Variants in MME observed in about 807,000 individuals in gnomAD.
The protein encoded by MME is membrane metalloendopeptidase.
In MME, 98 loss-of-function variants were observed where a neutral mutation model predicts 113.2. The ratio of observed to expected loss-of-function variants is 0.87; its 90% CI spans 0.74 to 1.02. The LOEUF (loss-of-function observed/expected upper bound fraction) is 1.02. Ranked by LOEUF, MME falls within the 50% of genes least tolerant of loss-of-function variation. The pLI, the probability that MME is intolerant of heterozygous loss-of-function variation, is 0.00. For missense variants in MME, 836 were observed against 896.0 expected (o/e 0.93, Z 0.86); for synonymous variants, 292 against 300.6 (o/e 0.97, Z 0.30).
At position 155,178,922 on chromosome 3, in the gene MME, A is replaced by G. The variant is rs181329140; in HGVS notation, c.2154-1438A>G. On this transcript the variant is annotated intron_variant, in intron 22 of 22. Coordinates refer to ENST00000360490, the MANE Select transcript of MME (RefSeq NM_007289.4). Reference sequence around the variant, plus strand: ...GTTGAATCCACAGATGTGGAACTCAAGGATACAAAGGCTGTATTTTGCCCT... The same window carrying G: ...GTTGAATCCACAGATGTGGAACTCAGGGATACAAAGGCTGTATTTTGCCCT... Among the ~76,000 whole-genome samples the G allele has an allele frequency of 2.0e-5, 3 of 152,320 alleles. No homozygotes were observed. The East Asian group carries it at 5.8e-4, about 29-fold the overall frequency.
In MME at chr3:155,182,850, C is replaced by T. The variant is rs1318615511; in HGVS notation, c.*2391C>T. 6.6e-6 allele frequency: 1 copy of T among 152,208 alleles called. No individual in the cohort carries two copies. The highest frequency in any genetic ancestry group is 2.4e-5 in the African/African-American group (1 of 41,440). 9.4% of individuals were successfully genotyped at this position (152,208 alleles called of 1,614,324 possible). A position where few individuals can be genotyped will look rare whatever the true frequency, so the allele number is the denominator to read the frequency against. On this transcript the variant is annotated 3_prime_UTR_variant, in exon 23 of 23. Transcript: ENST00000360490. ...TCAAAAATAGCAATGCCTCCCTATC[C>T]CTCACACATCCAGACATCATGAATT...
Position 155,084,309 on chromosome 3 carries a change from C to T in MME, c.142C>T (p.Leu48Phe). ...LTIIAVTMIALYATYDDGICK... is the reference protein window; with the variant it reads ...LTIIAVTMIAFYATYDDGICK... ...CATCATAGCTGTGACAATGATCGCA[C>T]TCTATGCAACCTACGATGGTGAGTT... The change falls in exon 2 of 23, where the codon CTC becomes TTC. Residue 48 changes from leucine to phenylalanine, a missense_variant. Transcript: ENST00000360490. The T allele has an allele frequency of 6.2e-7, 1 of 1,614,158 alleles. No individual in the cohort carries two copies. The highest frequency in any genetic ancestry group is 8.5e-7 in the Non-Finnish European group (1 of 1,180,026).
intron 2 of MME, 114 bp downstream of exon 2, chr3:155,084,441 A>T: frequency 9.8e-7 from 1 of 1,016,404 alleles, no homozygotes; most frequent in Non-Finnish European, 1.5e-6. Context: ...TTAAAGACTG[A>T]CAAAGAGATT....
chr3:155,084,411 T>C, intron 2 of MME, 84 bp downstream of exon 2: 1 of 1,401,486 alleles, frequency 7.1e-7, no homozygotes. Context: ...ATCCAACGAA[T>C]GTGTTAAGGA....
intron 8 of MME, among the ~76,000 whole-genome samples, chr3:155,129,552 G>A (rs2108286480): frequency 6.6e-6 from 1 of 152,178 alleles, no homozygotes; most frequent in Admixed American, 6.5e-5. Flanking sequence ...TCTAGAAAGG[G>A]AAAGTGATAG....
chr3:155,178,413 C>CTCTCT (rs1219173208), intron 22 of MME, among the ~76,000 whole-genome samples: 1 of 152,064 alleles, frequency 6.6e-6, no homozygotes, highest in Non-Finnish European at 1.5e-5. Context: ...AAAGAAAATG[C>CTCTCT]TTTCTTTCTC....
intron 16 of MME, among the ~76,000 whole-genome samples, chr3:155,155,262 C>G (rs367865334): frequency 1.3e-5 from 2 of 152,016 alleles, no homozygotes; most frequent in Non-Finnish European, 2.9e-5. Flanking sequence ...AAAAACAAAA[C>G]GAAACAAAAA....
At chr3:155,160,080 C>T (rs1341548495) in intron 16 of MME, among the ~76,000 whole-genome samples, 2 of 151,992 alleles carry the variant, frequency 1.3e-5, no homozygotes, top group African/African-American at 2.4e-5. Flanking sequence ...AAATAAATTT[C>T]AATACAATCT....
intron 3 of MME, among the ~76,000 whole-genome samples, chr3:155,091,846 A>G (rs1323649292): frequency 6.6e-6 from 1 of 152,220 alleles, no homozygotes. Flanking sequence ...GTCGGGGGCC[A>G]GTGGTGGCTT....
At chr3:155,111,060 T>G (rs1718150791) in intron 3 of MME, among the ~76,000 whole-genome samples, 1 of 152,214 alleles carries the variant, frequency 6.6e-6, no homozygotes, top group Non-Finnish European at 1.5e-5. Context: ...GGTGTGGCTA[T>G]GTGGAGAGGT....
rs192131839 is a variant in MME at position 155,088,713 on chromosome 3, T to C, written c.196+3619T>C. Among the ~76,000 whole-genome samples the C allele has an allele frequency of 2.2e-5, 3 of 137,512 alleles. No homozygotes were observed. The East Asian group carries it at 6.6e-4, about 30-fold the overall frequency. 90.2% of individuals were successfully genotyped at this position (137,512 alleles called of 152,430 possible). A position where few individuals can be genotyped will look rare whatever the true frequency, so the allele number is the denominator to read the frequency against. On this transcript the variant is annotated intron_variant, in intron 3 of 22. Coordinates refer to ENST00000360490, the MANE Select transcript of MME (RefSeq NM_007289.4). ...AAAAAAAAAAAAGAAAAGAAAGAAA[T>C]ATGAAAAGAGAGATGTTGAAAAAAT...
At chr3:155,024,500 G>C (rs1712708982) in intron 1 of MME, among the ~76,000 whole-genome samples, 1 of 152,160 alleles carries the variant, frequency 6.6e-6, no homozygotes, top group Non-Finnish European at 1.5e-5. Context: ...ATTGATTTAT[G>C]TTGTTTTCAC....
chr3:155,073,768 A>G (rs565584932), intron 1 of MME, among the ~76,000 whole-genome samples: 2 of 151,952 alleles, frequency 1.3e-5, no homozygotes, highest in South Asian at 2.1e-4. Flanking sequence ...GGATATATCT[A>G]TATATTTATA....
intron 3 of MME, 88 bp from the exon 4 acceptor site, chr3:155,114,906 C>G (rs1297269951): frequency 1.5e-6 from 2 of 1,361,750 alleles, no homozygotes; most frequent in Non-Finnish European, 2.1e-6. Flanking sequence ...TTGATGCAAT[C>G]AAAAGGGAGC....
At chr3:155,087,536 C>A (rs1176004342) in intron 3 of MME, among the ~76,000 whole-genome samples, 1 of 152,098 alleles carries the variant, frequency 6.6e-6, no homozygotes, top group East Asian at 1.9e-4. Context: ...CCAGATCCTC[C>A]TATGCTTCCT....
At chr3:155,105,114 G>T (rs971090529) in intron 3 of MME, among the ~76,000 whole-genome samples, 10 of 152,218 alleles carry the variant, frequency 6.6e-5, no homozygotes, top group African/African-American at 2.2e-4. Context: ...CATTGAAATG[G>T]ACTATGAGAT....
At chr3:155,059,194 GCAGT>G (rs1714049670) in intron 1 of MME, among the ~76,000 whole-genome samples, 2 of 144,654 alleles carry the variant, frequency 1.4e-5, no homozygotes, top group South Asian at 4.4e-4. Context: ...GGCAGAGGTT[GCAGT>G]CAGTGAGCCG....
chr3:155,116,101 A>G (rs1436353617), intron 4 of MME, among the ~76,000 whole-genome samples: 1 of 152,136 alleles, frequency 6.6e-6, no homozygotes. Flanking sequence ...TATTCATACT[A>G]AATTCCAAAT....
At chr3:155,026,781 AC>A (rs1712801413) in intron 1 of MME, among the ~76,000 whole-genome samples, 1 of 152,040 alleles carries the variant, frequency 6.6e-6, no homozygotes, top group African/African-American at 2.4e-5. Flanking sequence ...CTTAAGTAAT[AC>A]CCTCATCCAG....
Sources: allele counts gnomAD v4.1 joint callset (sites outside exome capture counted in the v4.1 genomes callset), GRCh38; gene constraint gnomAD v4.1.1; transcripts MANE v1.5; gene names NCBI Gene and HGNC (gene_info 2026-07-23, HGNC 2026-07-21).